The following CTNND2 variants were observed in gnomAD, a reference collection of about 807,000 sequenced individuals.
The protein encoded by CTNND2 is catenin delta 2, also known as catenin delta-2.
Under a neutral mutation model 144.4 loss-of-function variants are expected in CTNND2, and 22 were observed. The observed-to-expected ratio is 0.15, with a 90% CI of 0.11 to 0.22. The LOEUF is 0.22. Ranked by LOEUF, CTNND2 falls within the 10% of genes least tolerant of loss-of-function variation. The pLI, the probability that CTNND2 is intolerant of heterozygous loss-of-function variation, is 1.00. For synonymous variants in CTNND2, 751 were observed against 695.6 expected, an observed-to-expected ratio of 1.08 and a Z score of -1.25; for missense variants, 1,353 against 1,618.8, an observed-to-expected ratio of 0.84 and a Z score of 2.82.
rs141156790 is a variant in CTNND2 at position 11,623,737 on chromosome 5, G to T, written c.175-58681C>A. Reference sequence around the variant, plus strand: ...AACATAGATCCAAAAAATACAAAGGGTATTACACAATGGTAAAGGGTTCAA... The same window carrying T: ...AACATAGATCCAAAAAATACAAAGGTTATTACACAATGGTAAAGGGTTCAA... On this transcript the variant is annotated intron_variant, in intron 2 of 21. Coordinates refer to ENST00000304623, the MANE Select transcript of CTNND2 (RefSeq NM_001332.4). 2.8e-4 allele frequency among the ~76,000 whole-genome samples: 39 copies of T among 141,508 alleles called. 2 individuals carry two copies. In the East Asian group the frequency reaches 7.9e-3, roughly 29 times the overall value. 92.8% of individuals were successfully genotyped at this position (141,508 alleles called of 152,430 possible).
At chr5:10,996,275 C>T (rs180735779) in intron 18 of CTNND2, among the ~76,000 whole-genome samples, 12 of 152,086 alleles carry the variant, frequency 7.9e-5, no homozygotes, top group Non-Finnish European at 1.5e-4. Context: ...GTGCTAGAGA[C>T]GATATGGAGA....
In CTNND2 at chr5:11,149,621, A is replaced by C. The variant is rs577817218; in HGVS notation, c.2159+9955T>G. On this transcript the variant is annotated intron_variant, in intron 12 of 21. Transcript: ENST00000304623. ...GCTTGTTAATGGGGAGCGATGATGTATTTGTACCTCTACGGAAAGACAGTG... is the reference window on the plus strand; with the variant it reads ...GCTTGTTAATGGGGAGCGATGATGTCTTTGTACCTCTACGGAAAGACAGTG... 3.2e-4 allele frequency among the ~76,000 whole-genome samples: 48 copies of C among 152,250 alleles called. No individual in the cohort carries two copies. The South Asian group carries it at 8.1e-3, about 26-fold the overall frequency.
intron 3 of CTNND2, among the ~76,000 whole-genome samples, chr5:11,475,335 A>T (rs1767623927): frequency 6.6e-6 from 1 of 152,152 alleles, no homozygotes; most frequent in South Asian, 2.1e-4. Context: ...TAAGTAATTA[A>T]TTTTTTCTCC....
intron 1 of CTNND2, among the ~76,000 whole-genome samples, chr5:11,736,124 T>C (rs1189971590): frequency 6.6e-6 from 1 of 152,224 alleles, no homozygotes; most frequent in Non-Finnish European, 1.5e-5. Flanking sequence ...TGTCCTTTGA[T>C]GTGTCAGCCT....
chr5:11,316,604 T>G (rs559126447), intron 9 of CTNND2, among the ~76,000 whole-genome samples: 1 of 151,832 alleles, frequency 6.6e-6, no homozygotes, highest in South Asian at 2.1e-4. Context: ...ACTCGTCATT[T>G]AGCATTAGGT....
At chr5:11,039,914 T>C (rs1744507830) in intron 16 of CTNND2, among the ~76,000 whole-genome samples, 1 of 151,900 alleles carries the variant, frequency 6.6e-6, no homozygotes. Flanking sequence ...ATGCAAAAAT[T>C]AGCCAGGCAT....
Position 11,194,844 on chromosome 5 carries a change from A to G in CTNND2, c.1975+4604T>C, listed in dbSNP as rs113737882. On this transcript the variant is annotated intron_variant, in intron 11 of 21. Transcript: ENST00000304623. ...AAAATAGGAGCTATTAAAAAACACA[A>G]AAGAGAATTCTTAGAATTTTTCTTT... Among the ~76,000 whole-genome samples, 838 of 152,344 alleles carry G rather than the reference A, an allele frequency of 5.5e-3. 13 individuals carry two copies. The highest frequency in any genetic ancestry group is 0.019 in the African/African-American group (791 of 41,586).
intron 3 of CTNND2, among the ~76,000 whole-genome samples, chr5:11,468,151 T>C (rs938952720): frequency 3.3e-5 from 5 of 152,122 alleles, no homozygotes; most frequent in African/African-American, 1.2e-4. Flanking sequence ...AGAAAAACTG[T>C]ATTAGTGCAG....
At chr5:11,411,368 GA>G (rs1330835269) in intron 5 of CTNND2, among the ~76,000 whole-genome samples, 167 bp downstream of exon 5, 1 of 152,114 alleles carries the variant, frequency 6.6e-6, no homozygotes, top group Non-Finnish European at 1.5e-5. Flanking sequence ...ACTGAGGTGG[GA>G]TAATGTGGGA....
At chr5:11,369,919 C>T (rs556002137) in intron 7 of CTNND2, among the ~76,000 whole-genome samples, 4 of 152,186 alleles carry the variant, frequency 2.6e-5, no homozygotes, top group Non-Finnish European at 2.9e-5. Context: ...AGGGTCCCTC[C>T]GGGATTTCAG....
At chr5:11,157,210 T>C (rs1282334130) in intron 12 of CTNND2, among the ~76,000 whole-genome samples, 1 of 152,236 alleles carries the variant, frequency 6.6e-6, no homozygotes, top group Non-Finnish European at 1.5e-5. Context: ...ACTTTAATTT[T>C]ATTTAAAAAT....
chr5:11,697,251 T>C (rs1005677963), intron 2 of CTNND2, among the ~76,000 whole-genome samples: 9 of 152,156 alleles, frequency 5.9e-5, no homozygotes, highest in South Asian at 2.1e-4. Flanking sequence ...ATTCTAACCA[T>C]TGGAAGCTGC....
At chr5:11,213,658 CA>C (rs1242702848) in intron 10 of CTNND2, among the ~76,000 whole-genome samples, 1 of 152,088 alleles carries the variant, frequency 6.6e-6, no homozygotes, top group Non-Finnish European at 1.5e-5. Flanking sequence ...AAGTGCAATG[CA>C]GTGCATCCCA....
chr5:11,506,616 T>C (rs1308611819), intron 3 of CTNND2, among the ~76,000 whole-genome samples: 1 of 152,244 alleles, frequency 6.6e-6, no homozygotes, highest in Non-Finnish European at 1.5e-5. Context: ...TCCACTATAG[T>C]GACCATTTTA....
intron 9 of CTNND2, among the ~76,000 whole-genome samples, chr5:11,255,604 A>G (rs1213043230): frequency 6.6e-6 from 1 of 152,108 alleles, no homozygotes; most frequent in Non-Finnish European, 1.5e-5. Context: ...GCGACCACAA[A>G]GGTTACGCAT....
intron 2 of CTNND2, among the ~76,000 whole-genome samples, chr5:11,596,245 C>T (rs1007356623): frequency 2.6e-5 from 4 of 152,152 alleles, no homozygotes; most frequent in Non-Finnish European, 4.4e-5. Flanking sequence ...ATCCTAATCA[C>T]CCAGCATTAA....
chr5:11,397,067 G>A lies in CTNND2; in HGVS notation c.576C>T (p.Gly192=). ...ETTPSQLPAR[G]TQARATGQSF... ...TCTGGCCCGTAGCTCGGGCTTGTGTGCCTCGGGCCGGGAGCTGTGAAGGGG... is the reference window on the plus strand; with the variant it reads ...TCTGGCCCGTAGCTCGGGCTTGTGTACCTCGGGCCGGGAGCTGTGAAGGGG... Residue 192 remains glycine, a synonymous_variant, in exon 6 of 22, where the codon GGC becomes GGT. Coordinates refer to ENST00000304623, the MANE Select transcript of CTNND2 (RefSeq NM_001332.4). 1 of 1,613,922 alleles carries A rather than the reference G, an allele frequency of 6.2e-7. No homozygotes were observed.
intron 3 of CTNND2, among the ~76,000 whole-genome samples, chr5:11,523,909 C>T (rs537047846): frequency 6.6e-6 from 1 of 152,318 alleles, no homozygotes; most frequent in African/African-American, 2.4e-5. Context: ...CATCTATGGC[C>T]TTCAGTTCTG....
At chr5:11,759,411 T>C (rs1317135676) in intron 1 of CTNND2, among the ~76,000 whole-genome samples, 1 of 152,090 alleles carries the variant, frequency 6.6e-6, no homozygotes, top group African/African-American at 2.4e-5. Context: ...TTAAGGAAAA[T>C]GATACATAAA....
Sources: gnomAD v4.1 joint callset for allele counts (sites outside exome capture counted in the v4.1 genomes callset) on GRCh38, gnomAD v4.1.1 for gene constraint, MANE v1.5 for transcripts, NCBI Gene and HGNC (gene_info 2026-07-23, HGNC 2026-07-21) for gene names.